Variants in ARID5B observed in about 807,000 individuals in gnomAD.
The protein encoded by ARID5B is AT-rich interaction domain 5B.
ARID5B carries 13 observed loss-of-function variants against 97.2 expected under a neutral mutation model. That is an observed-to-expected ratio of 0.13 (90% CI 0.09 to 0.21). ARID5B has a LOEUF of 0.21. Among genes scored for constraint, ARID5B ranks in the 10% least tolerant of loss-of-function variants. ARID5B has a pLI of 1.00. For synonymous variants in ARID5B, 556 were observed against 570.3 expected (o/e 0.97, Z 0.36); for missense variants, 1,210 against 1,465.3 (o/e 0.83, Z 2.84).
chr10:61,981,342 C>T (rs541050655), intron 3 of ARID5B, among the ~76,000 whole-genome samples: 27 of 152,184 alleles, frequency 1.8e-4, no homozygotes, highest in Non-Finnish European at 2.4e-4. Context: ...AGTGCAGTGG[C>T]GCACTTTCCA....
chr10:62,033,134 A>G (rs1295491241), intron 4 of ARID5B, among the ~76,000 whole-genome samples: 1 of 152,186 alleles, frequency 6.6e-6, no homozygotes, highest in Non-Finnish European at 1.5e-5. Flanking sequence ...AGGCTTGTGT[A>G]TGGTGATTTC....
At chr10:62,069,405 G>A (rs2132953171) in intron 7 of ARID5B, among the ~76,000 whole-genome samples, 1 of 152,336 alleles carries the variant, frequency 6.6e-6, no homozygotes, top group South Asian at 2.1e-4. Flanking sequence ...AACAGGGTAT[G>A]AGTATGAGTC....
At chr10:62,048,394 G>A (rs946380017) in intron 4 of ARID5B, among the ~76,000 whole-genome samples, 1 of 152,148 alleles carries the variant, frequency 6.6e-6, no homozygotes, top group East Asian at 1.9e-4. Flanking sequence ...TTCCATAAGA[G>A]AAGGAGGGAA....
chr10:61,956,460 G>C (rs1838393128), intron 3 of ARID5B, among the ~76,000 whole-genome samples: 1 of 152,204 alleles, frequency 6.6e-6, no homozygotes, highest in Admixed American at 6.5e-5. Context: ...TGTATTAACT[G>C]TATACTGTTG....
chr10:61,968,495 C>A (rs1179861468), intron 3 of ARID5B, among the ~76,000 whole-genome samples: 1 of 152,114 alleles, frequency 6.6e-6, no homozygotes. Context: ...CTGTAACAAT[C>A]CCTGCAGAAT....
chr10:62,047,075 G>A (rs1281693112), intron 4 of ARID5B: 1 of 152,054 alleles, frequency 6.6e-6, no homozygotes, highest in Non-Finnish European at 1.5e-5. Context: ...AGGGGCTCTG[G>A]ATAAAGTCCA....
intron 2 of ARID5B, among the ~76,000 whole-genome samples, chr10:61,936,117 T>G (rs904508332): frequency 3.3e-5 from 5 of 152,214 alleles, no homozygotes; most frequent in Admixed American, 3.3e-4. Flanking sequence ...ATATAACACA[T>G]TGTTCCAAAT....
At position 62,095,660 on chromosome 10, in the gene ARID5B, T is replaced by C. The variant is rs992402474; in HGVS notation, c.*2630T>C. The stretch of plus-strand genomic sequence containing the variant: ...AACAGAAGCAGTGTGTTATTTGTTT[T>C]AAAACTCTGAACAGAGATCTTGGAA... On this transcript the variant is annotated 3_prime_UTR_variant, in exon 10 of 10. Coordinates refer to ENST00000279873, the MANE Select transcript of ARID5B (RefSeq NM_032199.3). The C allele has an allele frequency of 1.3e-5, 3 of 233,092 alleles. No individual in the cohort carries two copies. Among genetic ancestry groups the C allele is most frequent in the African/African-American group, 6.6e-5 (3 of 45,342 alleles). 14.4% of individuals were successfully genotyped at this position (233,092 alleles called of 1,614,324 possible). A position where few individuals can be genotyped will look rare whatever the true frequency, so the allele number is the denominator to read the frequency against.
chr10:61,915,928 G>A (rs1016002675), intron 2 of ARID5B, among the ~76,000 whole-genome samples: 7 of 152,110 alleles, frequency 4.6e-5, no homozygotes, highest in African/African-American at 1.4e-4. Flanking sequence ...GCTAATTTTT[G>A]TATTTCTAGT....
rs150105654 is a variant in ARID5B, at chr10:62,000,216, C to T, written c.628C>T (p.Leu210=). The change falls in exon 4 of 10, where the codon CTG becomes TTG. Residue 210 remains leucine (L), a synonymous_variant. Coordinates refer to ENST00000279873, the MANE Select transcript of ARID5B (RefSeq NM_032199.3). This position sits in a 1 kb window ranked among gnomAD's most constrained non-coding sequence, Gnocchi z 4.4. ...SILTDQFALA[L]GGIAVVSRNP... is the part of the protein sequence containing the mutation. ...TCTAACGGACCAGTTTGCATTGGCC[C>T]TGGGGGGCATTGCAGTGGTCAGCAG... is the stretch of plus-strand genomic sequence containing the variant. The T allele has an allele frequency of 4.2e-4, 684 of 1,613,998 alleles. 1 individual carries two copies. The highest frequency in any genetic ancestry group is 4.9e-4 in the Middle Eastern group (3 of 6,062).
intron 8 of ARID5B, among the ~76,000 whole-genome samples, chr10:62,077,973 T>C (rs1216802200): frequency 6.6e-6 from 1 of 152,256 alleles, no homozygotes; most frequent in Non-Finnish European, 1.5e-5. Context: ...AAGTATATTC[T>C]TAACTCTTCC....
In ARID5B at chr10:62,000,192, C is replaced by G. The variant is rs758963278; in HGVS notation, c.604C>G (p.Leu202Val). 4 of 1,614,092 alleles carry G rather than the reference C, an allele frequency of 2.5e-6. No individual in the cohort carries two copies. In the South Asian group the frequency reaches 4.4e-5, roughly 18 times the overall value. ...KRIQDKPSSI[L>V]TDQFALALGG... ...CATCCAGGATAAGCCATCTTCCATT[C>G]TAACGGACCAGTTTGCATTGGCCCT... The change falls in exon 4 of 10, where the codon CTA becomes GTA. Residue 202 changes from leucine (L) to valine (V), a missense_variant. Leu to Val is a conservative substitution (Grantham distance 32). Coordinates refer to ENST00000279873, the MANE Select transcript of ARID5B (RefSeq NM_032199.3). The surrounding 1 kb of genome is among the most constrained non-coding windows in gnomAD (Gnocchi z 4.4).
chr10:62,036,540 T>C (rs777027030), intron 4 of ARID5B, among the ~76,000 whole-genome samples: 2 of 152,226 alleles, frequency 1.3e-5, no homozygotes, highest in African/African-American at 2.4e-5. Flanking sequence ...CAGAAGGACC[T>C]GCGCTTCATG....
chr10:62,031,422 G>A (rs1839495813), intron 4 of ARID5B, among the ~76,000 whole-genome samples: 1 of 152,168 alleles, frequency 6.6e-6, no homozygotes, highest in African/African-American at 2.4e-5. Context: ...TGTAACTAAT[G>A]GAGTTTTGAA....
At chr10:61,956,397 C>T (rs1838392173) in intron 3 of ARID5B, among the ~76,000 whole-genome samples, 1 of 152,236 alleles carries the variant, frequency 6.6e-6, no homozygotes. Flanking sequence ...TTCGCCAAAA[C>T]TGGTCCCTAG....
intron 3 of ARID5B, among the ~76,000 whole-genome samples, chr10:61,942,465 G>A (rs1456055346): frequency 6.6e-6 from 1 of 152,196 alleles, no homozygotes; most frequent in Non-Finnish European, 1.5e-5. Flanking sequence ...TCATTCAGTA[G>A]GAGTAAGGAA....
At chr10:62,069,406 A>C (rs1840033314) in intron 7 of ARID5B, among the ~76,000 whole-genome samples, 1 of 152,254 alleles carries the variant, frequency 6.6e-6, no homozygotes, top group African/African-American at 2.4e-5. Flanking sequence ...ACAGGGTATG[A>C]GTATGAGTCC....
At chr10:61,984,519 A>G (rs1056078780) in intron 3 of ARID5B, among the ~76,000 whole-genome samples, 2 of 152,124 alleles carry the variant, frequency 1.3e-5, no homozygotes, top group Non-Finnish European at 2.9e-5. Flanking sequence ...GTCTTCCTTG[A>G]ACTGGGGCCA....
At chr10:61,916,268 G>A (rs774789881) in intron 2 of ARID5B, among the ~76,000 whole-genome samples, 1 of 152,114 alleles carries the variant, frequency 6.6e-6, no homozygotes, top group Non-Finnish European at 1.5e-5. Flanking sequence ...TGTTGGCCAG[G>A]CTGGACTACC....
Sources: gnomAD v4.1 joint callset for allele counts (sites outside exome capture counted in the v4.1 genomes callset) on GRCh38, gnomAD v4.1.1 for gene constraint, Gnocchi (gnomAD v3.1) non-coding constraint, MANE v1.5 for transcripts, NCBI Gene and HGNC (gene_info 2026-07-23, HGNC 2026-07-21) for gene names.